TMEM117: variants seen among roughly 807,000 people sequenced by gnomAD.
TMEM117 encodes the protein transmembrane protein 117.
A neutral mutation model predicts 52.4 loss-of-function variants in TMEM117; 27 were observed. The ratio of observed to expected loss-of-function variants is 0.51; its 90% CI spans 0.38 to 0.71. The LOEUF (loss-of-function observed/expected upper bound fraction) is 0.71, where lower values mean the gene tolerates loss of function less well. Ranked by LOEUF, TMEM117 falls within the 30% of genes least tolerant of loss-of-function variation. The probability of loss-of-function intolerance (pLI) is 0.00; values close to 1 mark genes in which losing one functional copy is unlikely to be tolerated. For synonymous variants in TMEM117, 215 were observed against 206.3 expected (o/e 1.04, Z -0.36); for missense variants, 556 against 630.5 (o/e 0.88, Z 1.26).
intron 6 of TMEM117, among the ~76,000 whole-genome samples, chr12:44,363,191 G>A (rs1467132721): frequency 6.6e-6 from 1 of 152,184 alleles, no homozygotes; most frequent in Non-Finnish European, 1.5e-5. Flanking sequence ...CAGTGGGTAA[G>A]GCAGGTGCCT....
At chr12:44,343,969 G>A (rs900223923) in intron 6 of TMEM117, among the ~76,000 whole-genome samples, 7 of 152,044 alleles carry the variant, frequency 4.6e-5, no homozygotes, top group African/African-American at 1.4e-4. Context: ...GCCAGAAGCC[G>A]GAAGCTGGGG....
At chr12:44,232,634 T>C (rs1435526659) in intron 5 of TMEM117, among the ~76,000 whole-genome samples, 3 of 151,506 alleles carry the variant, frequency 2.0e-5, no homozygotes, top group Admixed American at 6.6e-5. Flanking sequence ...ATTTCCACAA[T>C]AAAATTGGAA....
intron 4 of TMEM117, among the ~76,000 whole-genome samples, chr12:44,192,035 G>T (rs571283549): frequency 6.6e-6 from 1 of 152,128 alleles, no homozygotes; most frequent in Non-Finnish European, 1.5e-5. Context: ...TAAATTTAAT[G>T]TATAAGGGTA....
At chr12:44,228,257 T>C (rs573498091) in intron 5 of TMEM117, among the ~76,000 whole-genome samples, 1 of 152,058 alleles carries the variant, frequency 6.6e-6, no homozygotes, top group African/African-American at 2.4e-5. Context: ...AGAGAGATCA[T>C]GGTGACTTGA....
chr12:44,003,058 C>T (rs977808065), intron 3 of TMEM117, among the ~76,000 whole-genome samples: 3 of 152,160 alleles, frequency 2.0e-5, no homozygotes, highest in African/African-American at 7.2e-5. Flanking sequence ...CCCTGCCTGC[C>T]ATTCTCAGTT....
the TMEM117 span, among the ~76,000 whole-genome samples, chr12:43,824,557 A>T: frequency 2.6e-5 from 4 of 152,150 alleles, no homozygotes; most frequent in African/African-American, 9.7e-5. Flanking sequence ...AACCATTGTC[A>T]TGCTTGCTCA....
At chr12:43,958,794 T>TA (rs1945349085) in intron 3 of TMEM117, among the ~76,000 whole-genome samples, 2 of 54,474 alleles carry the variant, frequency 3.7e-5, no homozygotes, top group African/African-American at 6.5e-5. Flanking sequence ...ATGCATGGTT[T>TA]CTTTTTTTGT....
At chr12:44,334,652 A>C (rs1385907472) in intron 6 of TMEM117, among the ~76,000 whole-genome samples, 2 of 151,962 alleles carry the variant, frequency 1.3e-5, no homozygotes, top group African/African-American at 4.8e-5. Flanking sequence ...TGGGCTTCAG[A>C]AAGGAGGTTC....
intron 3 of TMEM117, among the ~76,000 whole-genome samples, chr12:44,064,912 A>AG (rs780532670): frequency 6.6e-6 from 1 of 152,148 alleles, no homozygotes; most frequent in East Asian, 1.9e-4. Flanking sequence ...CATACAAAAA[A>AG]GGGGGGGTAA....
intron 3 of TMEM117, among the ~76,000 whole-genome samples, chr12:44,076,219 G>T (rs1947379638): frequency 6.6e-6 from 1 of 152,158 alleles, no homozygotes; most frequent in African/African-American, 2.4e-5. Flanking sequence ...AAATTAGTGA[G>T]GAAATGACAT....
At chr12:43,800,544 A>C in the TMEM117 span, 7 of 1,594,716 alleles carry the variant, frequency 4.4e-6, no homozygotes, top group Admixed American at 3.4e-5. Context: ...TTCAGTTGTG[A>C]AAGTTTACTT....
At chr12:44,162,258 A>T (rs1337500487) in intron 4 of TMEM117, among the ~76,000 whole-genome samples, 1 of 152,164 alleles carries the variant, frequency 6.6e-6, no homozygotes, top group Non-Finnish European at 1.5e-5. Context: ...AACAGTTGAC[A>T]TAGTGTCCCT....
intron 3 of TMEM117, among the ~76,000 whole-genome samples, chr12:44,096,905 A>G (rs1947774346): frequency 6.6e-6 from 1 of 151,620 alleles, no homozygotes; most frequent in South Asian, 2.1e-4. Context: ...AGCAAAAGAA[A>G]CTACCATCAG....
chr12:44,061,955 G>A (rs1357526516), intron 3 of TMEM117, among the ~76,000 whole-genome samples: 1 of 152,100 alleles, frequency 6.6e-6, no homozygotes, highest in Non-Finnish European at 1.5e-5. Flanking sequence ...TGGGGAAAAT[G>A]GAAGGGCATT....
At chr12:44,117,983 A>T (rs1328056747) in intron 3 of TMEM117, among the ~76,000 whole-genome samples, 2 of 151,928 alleles carry the variant, frequency 1.3e-5, no homozygotes, top group African/African-American at 4.8e-5. Flanking sequence ...TATTAATATC[A>T]TCTATCTAAA....
At chr12:44,240,007 T>G (rs1183656810) in intron 5 of TMEM117, among the ~76,000 whole-genome samples, 2 of 152,060 alleles carry the variant, frequency 1.3e-5, no homozygotes, top group East Asian at 3.8e-4. Context: ...GACTTTTGAA[T>G]AGAAAATGCA....
chr12:44,230,328 C>T (rs895683868), intron 5 of TMEM117, among the ~76,000 whole-genome samples: 2 of 152,046 alleles, frequency 1.3e-5, no homozygotes, highest in Admixed American at 1.3e-4. Flanking sequence ...CTATTTTCCT[C>T]TCAATTCTGC....
intron 3 of TMEM117, among the ~76,000 whole-genome samples, chr12:44,134,438 G>T (rs1274328741): frequency 3.3e-5 from 5 of 152,146 alleles, no homozygotes; most frequent in Non-Finnish European, 2.9e-5. Flanking sequence ...TAACAGATTG[G>T]TCTTAACTGG....
At chr12:44,211,163 C>T (rs887242795) in intron 4 of TMEM117, 127 bp from the exon 5 acceptor site, 3 of 676,256 alleles carry the variant, frequency 4.4e-6, no homozygotes, top group Non-Finnish European at 7.5e-6. Context: ...ATTTTTGTTT[C>T]TGCATATGTT....
Sources: allele counts gnomAD v4.1 joint callset (sites outside exome capture counted in the v4.1 genomes callset), GRCh38; gene constraint gnomAD v4.1.1; transcripts MANE v1.5; gene names NCBI Gene and HGNC (gene_info 2026-07-23, HGNC 2026-07-21).